Variants in SH3BP5 observed in about 807,000 individuals in gnomAD.
SH3BP5 encodes SH3 domain-binding protein 5.
In SH3BP5, 22 loss-of-function variants were observed where a neutral mutation model predicts 43.3. That is an observed-to-expected ratio of 0.51 (90% CI 0.36 to 0.73). The LOEUF (loss-of-function observed/expected upper bound fraction) is 0.73. SH3BP5 is among the 30% of genes least tolerant of loss of function. The pLI, the probability that SH3BP5 is intolerant of heterozygous loss-of-function variation, is 0.00. For missense variants in SH3BP5, 529 were observed against 586.9 expected (o/e 0.90, Z 1.02); for synonymous variants, 255 against 225.8 (o/e 1.13, Z -1.16).
rs114986149 is a variant in SH3BP5, at chr3:15,332,578, G to T, written c.-170C>A. 175,721 of 1,216,014 alleles carry T rather than the reference G, an allele frequency of 0.14. 14,154 individuals are homozygous for T. Among genetic ancestry groups the T allele is most frequent in the East Asian group, 0.36 (10,204 of 28,298 alleles). The allele number at this position is 1,216,014 out of a possible 1,614,324, so 75.3% of individuals were successfully genotyped here. A position where few individuals can be genotyped will look rare whatever the true frequency, so the allele number is the denominator to read the frequency against. On this transcript the variant is annotated 5_prime_UTR_variant, in exon 1 of 9. Transcript: ENST00000383791. ...CGATGCGGATACCTCCGGCCGCGGCGGAGCAGAGGAAATGGGCGCGGCCGC... is the reference window on the plus strand; with the variant it reads ...CGATGCGGATACCTCCGGCCGCGGCTGAGCAGAGGAAATGGGCGCGGCCGC...
chr3:15,274,444 C>T (rs913297316), intron 3 of SH3BP5, among the ~76,000 whole-genome samples: 2 of 152,240 alleles, frequency 1.3e-5, no homozygotes, highest in South Asian at 4.1e-4. Flanking sequence ...TCACAAAGTG[C>T]CTGGACTTGG....
chr3:15,329,557 G>T (rs993647044), intron 2 of SH3BP5, among the ~76,000 whole-genome samples: 1 of 152,182 alleles, frequency 6.6e-6, no homozygotes, highest in African/African-American at 2.4e-5. Context: ...TAACTCCAGG[G>T]CCTACGCACG....
chr3:15,256,059 T>A lies in SH3BP5; in HGVS notation c.*27A>T. The A allele has an allele frequency of 6.5e-7, 1 of 1,547,278 alleles. No homozygotes were observed. The highest frequency in any genetic ancestry group is 1.1e-5 in the South Asian group (1 of 88,268). ...CCAGTTCCATGTATAAATGTTGATA[T>A]GCACATCGGCCAGGGCCCAGGATGA... On this transcript the variant is annotated 3_prime_UTR_variant, in exon 9 of 9. Coordinates refer to ENST00000383791, the MANE Select transcript of SH3BP5 (RefSeq NM_004844.5).
In SH3BP5 at chr3:15,255,502, T is replaced by C. The variant is rs1250380384; in HGVS notation, c.*584A>G. The stretch of plus-strand genomic sequence containing the variant: ...CCTTCTAGAAAATGGTTTTAATGGG[T>C]ATCCCAGCATACACGCTTTTTTAAA... On this transcript the variant is annotated 3_prime_UTR_variant, in exon 9 of 9. Transcript: ENST00000383791. The C allele has an allele frequency of 6.6e-6, 1 of 152,448 alleles. No homozygotes were observed. Among genetic ancestry groups the C allele is most frequent in the Admixed American group, 6.5e-5 (1 of 15,276 alleles). 9.4% of individuals were successfully genotyped at this position (152,448 alleles called of 1,614,324 possible). A position where few individuals can be genotyped will look rare whatever the true frequency, so the allele number is the denominator to read the frequency against.
intron 2 of SH3BP5, among the ~76,000 whole-genome samples, chr3:15,308,033 A>C (rs1385961316): frequency 7.3e-6 from 1 of 136,120 alleles, no homozygotes; most frequent in Non-Finnish European, 1.6e-5. Context: ...CTTTTCATTT[A>C]AAGAAAAAAA....
chr3:15,311,672 AT>A (rs1698061749), intron 2 of SH3BP5, among the ~76,000 whole-genome samples: 1 of 151,962 alleles, frequency 6.6e-6, no homozygotes, highest in South Asian at 2.1e-4. Flanking sequence ...CATCTTCAGT[AT>A]TTTTTGTTTT....
At chr3:15,302,784 A>G (rs762563204) in intron 3 of SH3BP5, among the ~76,000 whole-genome samples, 3 of 151,312 alleles carry the variant, frequency 2.0e-5, no homozygotes, top group Non-Finnish European at 4.4e-5. Context: ...GAAACTTTGC[A>G]TTGTTGTTGC....
At chr3:15,324,771 G>T (rs909844156) in intron 2 of SH3BP5, among the ~76,000 whole-genome samples, 2 of 151,826 alleles carry the variant, frequency 1.3e-5, no homozygotes, top group African/African-American at 4.8e-5. Flanking sequence ...CATGAGGGAG[G>T]GGCCGGGCAG....
chr3:15,263,599 T>C lies in SH3BP5; in HGVS notation c.496-1310A>G, dbSNP rs149550014. ...GTGGGAAATTCTGGTGGGAACACTT[T>C]GTTAAGTCTGTTGAAAAAAATGAGT... On this transcript the variant is annotated intron_variant, in intron 4 of 8. Coordinates refer to ENST00000383791, the MANE Select transcript of SH3BP5 (RefSeq NM_004844.5). Among the ~76,000 whole-genome samples, 553 of 152,278 alleles carry C rather than the reference T, an allele frequency of 3.6e-3. 3 individuals carry two copies. The Middle Eastern group carries it at 0.051, about 14-fold the overall frequency.
At chr3:15,337,084 G>GTTTTTT (rs374056927), upstream of SH3BP5, among the ~76,000 whole-genome samples, 10 of 100,100 alleles carry the variant, frequency 1.0e-4, no homozygotes, top group Admixed American at 2.3e-4. Context: ...TTTTAGTTTA[G>GTTTTTT]TTTTTTTTTT....
chr3:15,255,311 C>T lies in SH3BP5; in HGVS notation c.*775G>A, dbSNP rs927058493. ...AACAGTGGCAACCATTCTTCACATG[C>T]ACTTCTCTTAGAATAAATCCCCTTG... On this transcript the variant is annotated 3_prime_UTR_variant, in exon 9 of 9. Transcript: ENST00000383791. 1.3e-5 allele frequency: 2 copies of T among 152,584 alleles called. No individual in the cohort carries two copies. The highest frequency in any genetic ancestry group is 6.5e-5 in the Admixed American group (1 of 15,276). 9.5% of individuals were successfully genotyped at this position (152,584 alleles called of 1,614,324 possible).
chr3:15,338,096 C>A lies in SH3BP5; in HGVS notation c.-402+3127G>T, dbSNP rs768885374. ...CTGGCCCACATCTGTAATCCCAGCA[C>A]TTTGGGAGGCCAATGTGGGAGGACT... On this transcript the variant is annotated intron_variant, in intron 1 of 8. Coordinates refer to the SH3BP5 transcript ENST00000408919. 1.6e-4 allele frequency among the ~76,000 whole-genome samples: 24 copies of A among 151,784 alleles called. 1 individual carries two copies. The highest frequency in any genetic ancestry group is 8.5e-4 in the Admixed American group (13 of 15,230).
At chr3:15,298,861 G>T (rs183047224) in intron 3 of SH3BP5, among the ~76,000 whole-genome samples, 12 of 152,202 alleles carry the variant, frequency 7.9e-5, no homozygotes, top group Admixed American at 3.3e-4. Flanking sequence ...AGATGCAAGG[G>T]TTCTAGAGAT....
chr3:15,309,913 C>A (rs567473330), intron 2 of SH3BP5, among the ~76,000 whole-genome samples: 4 of 150,954 alleles, frequency 2.6e-5, no homozygotes, highest in Non-Finnish European at 2.9e-5. Flanking sequence ...TCCACCCCCC[C>A]CCCATAAGAA....
chr3:15,263,568 G>GTTCTGGTGGGAAA (rs1341009972), intron 4 of SH3BP5, among the ~76,000 whole-genome samples: 1 of 152,218 alleles, frequency 6.6e-6, no homozygotes, highest in Admixed American at 6.5e-5. Context: ...ACAAGTCAAA[G>GTTCTGGTGGGAAA]TTCTGGTGGG....
At chr3:15,285,408 C>G (rs1697237158) in intron 3 of SH3BP5, among the ~76,000 whole-genome samples, 1 of 152,292 alleles carries the variant, frequency 6.6e-6, no homozygotes, top group African/African-American at 2.4e-5. Flanking sequence ...TCAACCTCAC[C>G]CCTTCCAAGC....
At chr3:15,323,470 G>T (rs1404094813) in intron 2 of SH3BP5, among the ~76,000 whole-genome samples, 1 of 152,130 alleles carries the variant, frequency 6.6e-6, no homozygotes, top group Non-Finnish European at 1.5e-5. Context: ...AAGCACACAG[G>T]GGGCCCTCTT....
chr3:15,326,166 T>G (rs1384945831), intron 2 of SH3BP5, among the ~76,000 whole-genome samples: 1 of 152,152 alleles, frequency 6.6e-6, no homozygotes, highest in African/African-American at 2.4e-5. Context: ...CTGATATAAA[T>G]CAGCATGCAA....
At chr3:15,325,167 T>C (rs11128744) in intron 2 of SH3BP5, among the ~76,000 whole-genome samples, 21,990 of 152,272 alleles carry the variant, frequency 0.14, 1,854 homozygotes, top group East Asian at 0.32. Flanking sequence ...ATCTTTATTC[T>C]GATTAGACTT....
Sources: allele counts gnomAD v4.1 joint callset (sites outside exome capture counted in the v4.1 genomes callset), GRCh38; gene constraint gnomAD v4.1.1; transcripts MANE v1.5; gene names NCBI Gene and HGNC (gene_info 2026-07-23, HGNC 2026-07-21).